The following UBE2D3 variants were observed in gnomAD, a reference collection of about 807,000 sequenced individuals.
UBE2D3 encodes the protein ubiquitin-conjugating enzyme E2 D3.
UBE2D3 carries 2 observed loss-of-function variants against 22.8 expected under a neutral mutation model. The observed-to-expected ratio is 0.09, with a 90% CI of 0.04 to 0.28. The LOEUF is 0.28. Among genes scored for constraint, UBE2D3 ranks in the 10% least tolerant of loss-of-function variants. The pLI, the probability that UBE2D3 is intolerant of heterozygous loss-of-function variation, is 1.00. For synonymous variants in UBE2D3, 56 were observed against 60.4 expected, an observed-to-expected ratio of 0.93 and a Z score of 0.34; for missense variants, 27 against 182.5, an observed-to-expected ratio of 0.15 and a Z score of 4.91.
chr4:102,851,592 C>T (rs181716906), intron 1 of UBE2D3, among the ~76,000 whole-genome samples: 135 of 152,214 alleles, frequency 8.9e-4, no homozygotes, highest in Middle Eastern at 6.8e-3. Context: ...GCAGAGAATA[C>T]AATTATTTCC....
At chr4:102,847,343 T>C (rs893503958) in intron 1 of UBE2D3, among the ~76,000 whole-genome samples, 1 of 152,072 alleles carries the variant, frequency 6.6e-6, no homozygotes, top group Admixed American at 6.5e-5. Flanking sequence ...TGGAGTGCAG[T>C]TGTGCAATCA....
At chr4:102,853,196 G>C (rs908444134) in intron 1 of UBE2D3, among the ~76,000 whole-genome samples, 1 of 131,920 alleles carries the variant, frequency 7.6e-6, no homozygotes, top group Admixed American at 8.8e-5. Context: ...AGGCTGGAGT[G>C]CAGTGGCGGG....
rs184156839 is a variant in UBE2D3 at position 102,860,242 on chromosome 4, T to C, written c.-129+8473A>G. On this transcript the variant is annotated intron_variant, in intron 1 of 7. Transcript: ENST00000338145. The stretch of plus-strand genomic sequence containing the variant: ...TTAGCTCACTGAGATTCAAGGTGAG[T>C]GTTCTGAATTCTTTATCAGGTAATT... Among the ~76,000 whole-genome samples the C allele has an allele frequency of 4.6e-3, 693 of 152,022 alleles. 12 individuals are homozygous for C. The highest frequency in any genetic ancestry group is 7.6e-3 in the Non-Finnish European group (514 of 67,858).
At chr4:102,827,634 A>G (rs538007832), upstream of UBE2D3, 10 of 986,418 alleles carry the variant, frequency 1.0e-5, no homozygotes, top group East Asian at 2.3e-4. Flanking sequence ...CGCCGTCCCG[A>G]GCACAAGACC....
intron 6 of UBE2D3, 105 bp from the exon 7 acceptor site, chr4:102,799,605 G>C (rs1308108834): frequency 3.8e-5 from 29 of 755,160 alleles, no homozygotes; most frequent in Non-Finnish European, 5.5e-5. Flanking sequence ...ACTTTTATTA[G>C]TTTGTATCTT....
At chr4:102,851,654 T>G (rs76543542) in intron 1 of UBE2D3, among the ~76,000 whole-genome samples, 323 of 143,236 alleles carry the variant, frequency 2.3e-3, no homozygotes, top group African/African-American at 7.9e-3. Context: ...CATTTTTTTT[T>G]GTTTTGTTTT....
intron 1 of UBE2D3, chr4:102,843,546 T>G (rs1485366516): frequency 6.6e-6 from 1 of 152,208 alleles, no homozygotes. Flanking sequence ...CCTTCAGCAC[T>G]TCTCCCTCAA....
chr4:102,806,244 T>C (rs1181998256), intron 4 of UBE2D3, among the ~76,000 whole-genome samples: 1 of 152,198 alleles, frequency 6.6e-6, no homozygotes, highest in Admixed American at 6.5e-5. Flanking sequence ...CATAAAATAT[T>C]ATATGGATAA....
upstream of UBE2D3, chr4:102,827,573 C>T (rs1730782656): frequency 2.0e-6 from 2 of 987,068 alleles, no homozygotes; most frequent in African/African-American, 3.5e-5. Flanking sequence ...CCACGCTCCG[C>T]CCCTCCCCCT....
At chr4:102,810,031 T>C (rs1727699939) in intron 2 of UBE2D3, 176 bp from the exon 3 acceptor site, 2 of 604,398 alleles carry the variant, frequency 3.3e-6, no homozygotes, top group African/African-American at 1.9e-5. Flanking sequence ...GCTGAGACAA[T>C]CATCTTAGCT....
At chr4:102,853,349 A>G (rs1732469500) in intron 1 of UBE2D3, among the ~76,000 whole-genome samples, 1 of 129,638 alleles carries the variant, frequency 7.7e-6, no homozygotes, top group South Asian at 2.5e-4. Flanking sequence ...TATCCAGCAG[A>G]TATCTTGAAC....
At chr4:102,820,232 T>G (rs974887602) in intron 2 of UBE2D3, among the ~76,000 whole-genome samples, 2 of 152,062 alleles carry the variant, frequency 1.3e-5, no homozygotes, top group African/African-American at 4.8e-5. Context: ...CTATAAAGTT[T>G]TATTAACTTT....
At chr4:102,862,026 T>G (rs1325952657) in intron 1 of UBE2D3, among the ~76,000 whole-genome samples, 1 of 151,992 alleles carries the variant, frequency 6.6e-6, no homozygotes, top group East Asian at 1.9e-4. Flanking sequence ...GAGGTGATCC[T>G]CCCACCTTGG....
At chr4:102,819,416 T>C (rs1729237767) in intron 2 of UBE2D3, among the ~76,000 whole-genome samples, 1 of 152,150 alleles carries the variant, frequency 6.6e-6, no homozygotes, top group South Asian at 2.1e-4. Flanking sequence ...TTATGAATAT[T>C]ATGAATATTC....
intron 1 of UBE2D3, among the ~76,000 whole-genome samples, chr4:102,834,135 T>C (rs2110347953): frequency 1.3e-5 from 2 of 152,308 alleles, no homozygotes; most frequent in Middle Eastern, 6.8e-3. Flanking sequence ...TACATTCCTC[T>C]CCACTGCCAT....
rs10526258 is a variant in UBE2D3, at chr4:102,798,279, A to AATATATAT, written c.399-827_399-820dup. ...AAAACAGTGATAACCTTAAGAAATGAATATATATATATATATATGCACAGG... is the reference window on the plus strand; with the variant it reads ...AAAACAGTGATAACCTTAAGAAATGAATATATATATATATATATATATATATGCACAGG... On this transcript the variant is annotated intron_variant, in intron 7 of 7. Transcript: ENST00000453744. Among the ~76,000 whole-genome samples the AATATATAT allele has an allele frequency of 7.7e-3, 859 of 111,864 alleles. 74 individuals carry two copies. The highest frequency in any genetic ancestry group is 0.027 in the African/African-American group (668 of 24,960). The allele number at this position is 111,864 out of a possible 152,430, so 73.4% of individuals were successfully genotyped here. A position where few individuals can be genotyped will look rare whatever the true frequency, so the allele number is the denominator to read the frequency against.
intron 1 of UBE2D3, among the ~76,000 whole-genome samples, chr4:102,847,690 C>T (rs1732109372): frequency 6.6e-6 from 1 of 152,032 alleles, no homozygotes; most frequent in South Asian, 2.1e-4. Context: ...ATCACCCAGG[C>T]TGGAGTGCAG....
chr4:102,797,334 C>CGGAT lies in UBE2D3; in HGVS notation c.*77_*80dup. On this transcript the variant is annotated 3_prime_UTR_variant, in exon 8 of 8. Coordinates refer to ENST00000453744, the MANE Select transcript of UBE2D3 (RefSeq NM_181891.3). Reference sequence around the variant, plus strand: ...AGATGAGGTCTGATAGGGGAGCAGCCGGATAAGAAAATCAAAAAAGGAACA... The same window carrying CGGAT: ...AGATGAGGTCTGATAGGGGAGCAGCCGGATGGATAAGAAAATCAAAAAAGGAACA... 7 of 1,251,638 alleles carry CGGAT rather than the reference C, an allele frequency of 5.6e-6. 1 individual carries two copies. The South Asian group carries it at 9.6e-5, about 17-fold the overall frequency. 77.5% of individuals were successfully genotyped at this position (1,251,638 alleles called of 1,614,324 possible).
In UBE2D3 at chr4:102,801,549, G is replaced by A; in HGVS notation, c.209C>T (p.Thr70Ile). The change falls in exon 6 of 8, where the codon ACA (threonine) becomes ATA (isoleucine). Residue 70 changes from threonine to isoleucine, a missense_variant. Physicochemically the swap from Thr to Ile is moderately conservative, Grantham distance 89. Coordinates refer to ENST00000453744, the MANE Select transcript of UBE2D3 (RefSeq NM_181891.3). The part of the protein sequence containing the change: ...YPFKPPKVAF[T>I]TRIYHPNINS... Reference sequence around the variant, plus strand: ...AATATTTGGATGATAAATTCTTGTTGTAAATGCAACCTAAAACAAAAACTT... The same window carrying A: ...AATATTTGGATGATAAATTCTTGTTATAAATGCAACCTAAAACAAAAACTT... 1 of 1,602,874 alleles carries A rather than the reference G, an allele frequency of 6.2e-7. No individual in the cohort carries two copies. Among genetic ancestry groups the A allele is most frequent in the South Asian group, 1.1e-5 (1 of 88,304 alleles).
Sources: gnomAD v4.1 joint callset for allele counts (sites outside exome capture counted in the v4.1 genomes callset) on GRCh38, gnomAD v4.1.1 for gene constraint, MANE v1.5 for transcripts, NCBI Gene and HGNC (gene_info 2026-07-23, HGNC 2026-07-21) for gene names.